Variants in NEDD4L observed in about 807,000 individuals in gnomAD.
NEDD4L encodes E3 ubiquitin-protein ligase NEDD4-like.
In NEDD4L, 54 loss-of-function variants were observed where a neutral mutation model predicts 148.9. The observed-to-expected ratio is 0.36, with a 90% CI of 0.29 to 0.45. The LOEUF (loss-of-function observed/expected upper bound fraction) is 0.45. Ranked by LOEUF, NEDD4L falls within the 20% of genes least tolerant of loss-of-function variation. NEDD4L has a pLI of 1.00. For missense variants in NEDD4L, 856 were observed against 1,233.8 expected (o/e 0.69, Z 4.59); for synonymous variants, 433 against 440.7 (o/e 0.98, Z 0.22).
chr18:58,383,765 A>T (rs1030358588), intron 25 of NEDD4L, among the ~76,000 whole-genome samples: 1 of 152,248 alleles, frequency 6.6e-6, no homozygotes, highest in Non-Finnish European at 1.5e-5. Context: ...AGAATTCAGC[A>T]TGTGCAACCC....
At chr18:58,332,706 C>T (rs2041164902) in intron 11 of NEDD4L, among the ~76,000 whole-genome samples, 1 of 152,126 alleles carries the variant, frequency 6.6e-6, no homozygotes, top group African/African-American at 2.4e-5. Context: ...CCCATCCCTA[C>T]CACAGAGTCT....
At chr18:58,191,068 A>C (rs2040056496) in intron 2 of NEDD4L, among the ~76,000 whole-genome samples, 1 of 129,674 alleles carries the variant, frequency 7.7e-6, no homozygotes, top group African/African-American at 3.8e-5. Flanking sequence ...TCATGAATAC[A>C]CCACTGCCCT....
chr18:58,318,812 C>T (rs2058519214), intron 6 of NEDD4L, among the ~76,000 whole-genome samples: 1 of 152,204 alleles, frequency 6.6e-6, no homozygotes, highest in Non-Finnish European at 1.5e-5. Context: ...CTCCCCTTCC[C>T]CTGGAGCCCT....
chr18:58,349,500 C>T, intron 16 of NEDD4L, 37 bp from the exon 17 acceptor site: 1 of 1,536,014 alleles, frequency 6.5e-7, no homozygotes, highest in Non-Finnish European at 9.0e-7. Flanking sequence ...CAGATACTTC[C>T]ACTTAGCATC....
intron 1 of NEDD4L, among the ~76,000 whole-genome samples, chr18:58,137,431 C>T (rs976703407): frequency 3.3e-5 from 5 of 151,976 alleles, no homozygotes; most frequent in Admixed American, 1.3e-4. Flanking sequence ...TCTGTGAGGT[C>T]GAGGTGGGTG....
In NEDD4L at chr18:58,256,306, C is replaced by T. The variant is rs986790539; in HGVS notation, c.297+4252C>T. On this transcript the variant is annotated intron_variant, in intron 5 of 30. Transcript: ENST00000400345. This position sits in a 1 kb window ranked among gnomAD's most constrained non-coding sequence, Gnocchi z 5.2. The stretch of plus-strand genomic sequence containing the variant: ...AGGGCGGCCCGGCCGCGGCAGAGCC[C>T]AGGCGCTGGTCCCTGCAGCACGTTC... The T allele has an allele frequency of 7.3e-6, 9 of 1,231,752 alleles. No homozygotes were observed. In the African/African-American group the frequency reaches 7.8e-5, roughly 11 times the overall value. 76.3% of individuals were successfully genotyped at this position (1,231,752 alleles called of 1,614,324 possible).
chr18:58,127,732 TC>T (rs1182326987), intron 1 of NEDD4L, among the ~76,000 whole-genome samples: 1 of 150,168 alleles, frequency 6.7e-6, no homozygotes, highest in African/African-American at 2.5e-5. Flanking sequence ...TCCCAGCTAC[TC>T]AGGAGGCTGA....
In NEDD4L at chr18:58,245,464, G is replaced by A. The variant is rs749659281; in HGVS notation, c.160G>A (p.Glu54Lys). ...GAAACTTTCATTGTACGTAGCGGAT[G>A]AGAATAGAGAACTTGCTTTGGTCCA... ...YVKLSLYVAD[E>K]NRELALVQTK... Residue 54 changes from glutamate (E) to lysine (K), a missense_variant, in exon 3 of 31, where the codon GAG (glutamate) becomes AAG (lysine). Glu to Lys is a moderately conservative substitution (Grantham distance 56, BLOSUM62 1). Transcript: ENST00000400345. The A allele has an allele frequency of 5.0e-6, 8 of 1,585,474 alleles. No individual in the cohort carries two copies. Among genetic ancestry groups the A allele is most frequent in the East Asian group, 2.3e-5 (1 of 44,432 alleles).
chr18:58,289,172 A>G (rs2054339226), intron 5 of NEDD4L, among the ~76,000 whole-genome samples: 1 of 152,234 alleles, frequency 6.6e-6, no homozygotes, highest in Admixed American at 6.5e-5. Flanking sequence ...TTGATAGTAA[A>G]CTGCTAAGTT....
chr18:58,147,517 C>T (rs1299106678), intron 1 of NEDD4L, among the ~76,000 whole-genome samples: 2 of 152,222 alleles, frequency 1.3e-5, no homozygotes, highest in Non-Finnish European at 2.9e-5. Context: ...GATACTTGTT[C>T]TCTTTCCAAA....
intron 1 of NEDD4L, among the ~76,000 whole-genome samples, chr18:58,160,036 G>T (rs1232971658): frequency 6.6e-6 from 1 of 152,150 alleles, no homozygotes; most frequent in Non-Finnish European, 1.5e-5. Context: ...GGAAAATAAG[G>T]ATAAAGGATA....
At chr18:58,262,047 G>C (rs2049458842) in intron 5 of NEDD4L, among the ~76,000 whole-genome samples, 1 of 152,102 alleles carries the variant, frequency 6.6e-6, no homozygotes, top group Non-Finnish European at 1.5e-5. Flanking sequence ...CATCCTGTCT[G>C]CAACCTTCTA....
At chr18:58,301,045 TAC>T (rs1288110677) in intron 5 of NEDD4L, among the ~76,000 whole-genome samples, 1 of 152,160 alleles carries the variant, frequency 6.6e-6, no homozygotes, top group African/African-American at 2.4e-5. Context: ...AGCACAGAAA[TAC>T]AGCACAGAAA....
intron 14 of NEDD4L, 22 bp downstream of exon 14, chr18:58,341,191 T>A (rs1423816942): frequency 1.9e-6 from 3 of 1,609,874 alleles, no homozygotes; most frequent in South Asian, 2.2e-5. Flanking sequence ...GCCATCCAAC[T>A]TAAAACCGCA....
rs146770299 is a variant in NEDD4L, at chr18:58,281,698, G to A, written c.297+29644G>A. Among the ~76,000 whole-genome samples, 135 of 151,250 alleles carry A rather than the reference G, an allele frequency of 8.9e-4. 2 individuals are homozygous for A. The East Asian group carries it at 0.025, about 28-fold the overall frequency. ...AAAAACTGCCTTTTTTTTTCTTAAT[G>A]CGTTACAATTGGTTGATCAGAACAG... On this transcript the variant is annotated intron_variant, in intron 5 of 30. Coordinates refer to ENST00000400345, the MANE Select transcript of NEDD4L (RefSeq NM_001144967.3).
chr18:58,094,155 G>T (rs2084236189), intron 1 of NEDD4L, among the ~76,000 whole-genome samples: 2 of 151,594 alleles, frequency 1.3e-5, no homozygotes, highest in South Asian at 2.1e-4. Context: ...CTCCTCCTGG[G>T]ACTCCTGCAC....
intron 30 of NEDD4L, among the ~76,000 whole-genome samples, 165 bp from the exon 31 acceptor site, chr18:58,396,002 A>C (rs2050447984): frequency 6.6e-6 from 1 of 152,134 alleles, no homozygotes; most frequent in South Asian, 2.1e-4. Context: ...GAGCTTATTT[A>C]GTGTGGATGT....
At chr18:58,296,362 C>A (rs957604835) in intron 5 of NEDD4L, among the ~76,000 whole-genome samples, 57 of 152,156 alleles carry the variant, frequency 3.7e-4, no homozygotes, top group African/African-American at 1.4e-3. Flanking sequence ...ACTGAGTTTC[C>A]CAGGGCTGCT....
intron 16 of NEDD4L, 62 bp from the exon 17 acceptor site, chr18:58,349,475 C>A: frequency 7.2e-7 from 1 of 1,387,780 alleles, no homozygotes; most frequent in Non-Finnish European, 1.0e-6. Context: ...AAGAAAAGCA[C>A]CCAGTAACTG....
Sources: gnomAD v4.1 joint callset for allele counts (sites outside exome capture counted in the v4.1 genomes callset) on GRCh38, gnomAD v4.1.1 for gene constraint, Gnocchi (gnomAD v3.1) non-coding constraint, MANE v1.5 for transcripts, NCBI Gene and HGNC (gene_info 2026-07-23, HGNC 2026-07-21) for gene names.